Variants in KIAA1328 observed in about 807,000 individuals in gnomAD.
The protein encoded by KIAA1328 is protein hinderin.
In KIAA1328, 52 loss-of-function variants were observed where a neutral mutation model predicts 68.1. That is an observed-to-expected ratio of 0.76 (90% CI 0.61 to 0.96). The LOEUF is 0.96. Ranked by LOEUF, KIAA1328 falls within the 40% of genes least tolerant of loss-of-function variation. The pLI is 0.00. For missense variants in KIAA1328, 641 were observed against 677.6 expected, an observed-to-expected ratio of 0.95 and a Z score of 0.60; for synonymous variants, 232 against 239.4, an observed-to-expected ratio of 0.97 and a Z score of 0.28.
At chr18:36,859,774 A>C (rs1417865977) in intron 4 of KIAA1328, among the ~76,000 whole-genome samples, 1 of 150,766 alleles carries the variant, frequency 6.6e-6, no homozygotes, top group Non-Finnish European at 1.5e-5. Flanking sequence ...GCTTTGAAAA[A>C]TTCTGCTTTT....
intron 7 of KIAA1328, among the ~76,000 whole-genome samples, chr18:37,143,521 C>CTTTTTTTTTTTTTTTTTTTTTTTTG (rs57046567): frequency 1.1e-5 from 1 of 90,778 alleles, no homozygotes; most frequent in African/African-American, 4.8e-5. Context: ...TTTTTTCTTT[C>CTTTTTTTTTTTTTTTTTTTTTTTTG]TTTTTTTTTT....
intron 6 of KIAA1328, among the ~76,000 whole-genome samples, chr18:37,000,188 A>G (rs2053537251): frequency 6.6e-6 from 1 of 152,202 alleles, no homozygotes; most frequent in African/African-American, 2.4e-5. Flanking sequence ...ACAGAAACCA[A>G]AAGTGAGCAG....
At chr18:37,119,939 G>T (rs911483327) in intron 7 of KIAA1328, among the ~76,000 whole-genome samples, 3 of 152,026 alleles carry the variant, frequency 2.0e-5, no homozygotes, top group African/African-American at 7.3e-5. Context: ...TTATTGTAGG[G>T]ATGGGGCAAA....
chr18:36,984,018 A>T (rs2052803857), intron 6 of KIAA1328, among the ~76,000 whole-genome samples: 1 of 152,160 alleles, frequency 6.6e-6, no homozygotes, highest in Non-Finnish European at 1.5e-5. Flanking sequence ...TATTCATCTC[A>T]ATAGGTCCAA....
chr18:37,094,246 T>G (rs2057342630), intron 7 of KIAA1328, among the ~76,000 whole-genome samples: 1 of 152,078 alleles, frequency 6.6e-6, no homozygotes, highest in Admixed American at 6.6e-5. Context: ...CCTCCTGCTG[T>G]GTGGCCCAGT....
At chr18:37,177,630 A>G (rs997711388) in intron 9 of KIAA1328, among the ~76,000 whole-genome samples, 1 of 152,282 alleles carries the variant, frequency 6.6e-6, no homozygotes. Flanking sequence ...TTTTTAAAGA[A>G]AGATGAGTTT....
At chr18:37,022,339 A>G (rs1377800584) in intron 6 of KIAA1328, among the ~76,000 whole-genome samples, 1 of 152,220 alleles carries the variant, frequency 6.6e-6, no homozygotes, top group African/African-American at 2.4e-5. Context: ...ATAAGAAAAC[A>G]GGATTAGAAC....
intron 3 of KIAA1328, among the ~76,000 whole-genome samples, chr18:36,843,041 A>G (rs2046910511): frequency 6.6e-6 from 1 of 151,988 alleles, no homozygotes; most frequent in South Asian, 2.1e-4. Flanking sequence ...TTTTAAATAC[A>G]TAATTATTAA....
chr18:36,913,121 T>C (rs1417502660), intron 5 of KIAA1328, among the ~76,000 whole-genome samples: 1 of 152,144 alleles, frequency 6.6e-6, no homozygotes, highest in Non-Finnish European at 1.5e-5. Flanking sequence ...GCCTGTGGTA[T>C]TTTGGGAGTC....
chr18:37,007,893 AG>A (rs1426108403), intron 6 of KIAA1328, among the ~76,000 whole-genome samples: 1 of 152,322 alleles, frequency 6.6e-6, no homozygotes, highest in East Asian at 1.9e-4. Context: ...CAAAACTTAA[AG>A]GGGCAACCTG....
intron 6 of KIAA1328, among the ~76,000 whole-genome samples, chr18:37,051,054 A>T (rs1168433339): frequency 6.6e-6 from 1 of 152,218 alleles, no homozygotes; most frequent in East Asian, 1.9e-4. Flanking sequence ...TAATAGTATT[A>T]GAATTATAAT....
At chr18:37,118,228 C>T (rs554719203) in intron 7 of KIAA1328, among the ~76,000 whole-genome samples, 3 of 152,202 alleles carry the variant, frequency 2.0e-5, no homozygotes, top group African/African-American at 7.2e-5. Flanking sequence ...CTCCTGAGCT[C>T]AAGTGATCCA....
intron 6 of KIAA1328, among the ~76,000 whole-genome samples, chr18:37,030,711 C>A (rs2054789577): frequency 6.6e-6 from 1 of 151,976 alleles, no homozygotes; most frequent in East Asian, 1.9e-4. Context: ...ACTTTAAGTT[C>A]TAGGGTACAT....
chr18:36,901,557 G>C (rs192508457), intron 5 of KIAA1328, among the ~76,000 whole-genome samples: 2 of 152,198 alleles, frequency 1.3e-5, no homozygotes, highest in African/African-American at 4.8e-5. Flanking sequence ...CAGTGAGACA[G>C]TGAACATGAA....
chr18:37,008,695 A>C (rs1598958978), intron 6 of KIAA1328, among the ~76,000 whole-genome samples: 1 of 152,334 alleles, frequency 6.6e-6, no homozygotes, highest in Non-Finnish European at 1.5e-5. Context: ...CTCAGCAGAG[A>C]AATAGAGACT....
At chr18:36,985,649 T>G (rs2052888914) in intron 6 of KIAA1328, among the ~76,000 whole-genome samples, 1 of 152,176 alleles carries the variant, frequency 6.6e-6, no homozygotes, top group South Asian at 2.1e-4. Context: ...TGTCACAATT[T>G]CATGTGCATA....
At chr18:37,083,965 T>A (rs958706053) in intron 7 of KIAA1328, among the ~76,000 whole-genome samples, 1 of 152,124 alleles carries the variant, frequency 6.6e-6, no homozygotes, top group Non-Finnish European at 1.5e-5. Flanking sequence ...CAATTTGTGT[T>A]TGTTTATGTA....
chr18:37,223,631 A>G lies in KIAA1328; in HGVS notation c.*1404A>G. 5.1e-6 allele frequency: 5 copies of G among 985,370 alleles called. No homozygotes were observed. Among genetic ancestry groups the G allele is most frequent in the Non-Finnish European group, 6.0e-6 (5 of 829,918 alleles). 61.0% of individuals were successfully genotyped at this position (985,370 alleles called of 1,614,324 possible). ...AAGACTTAGTCAGTGTTGGTAGACAAAGTCATACCACCCAGGGCAGCCTGC... is the reference window on the plus strand; with the variant it reads ...AAGACTTAGTCAGTGTTGGTAGACAGAGTCATACCACCCAGGGCAGCCTGC... On this transcript the variant is annotated 3_prime_UTR_variant, in exon 10 of 10. Coordinates refer to ENST00000280020, the MANE Select transcript of KIAA1328 (RefSeq NM_020776.3).
chr18:36,847,537 C>T (rs941587278), intron 4 of KIAA1328, among the ~76,000 whole-genome samples: 2 of 151,508 alleles, frequency 1.3e-5, no homozygotes, highest in Non-Finnish European at 3.0e-5. Context: ...AGTAACATGA[C>T]TAATGTGTCA....
Sources: allele counts gnomAD v4.1 joint callset (sites outside exome capture counted in the v4.1 genomes callset), GRCh38; gene constraint gnomAD v4.1.1; transcripts MANE v1.5; gene names NCBI Gene and HGNC (gene_info 2026-07-23, HGNC 2026-07-21).